The following RERE variants were observed in gnomAD, a reference collection of about 807,000 sequenced individuals.
RERE encodes arginine-glutamic acid dipeptide repeats.
RERE carries 40 observed loss-of-function variants against 146.1 expected under a neutral mutation model. That is an observed-to-expected ratio of 0.27 (90% CI 0.21 to 0.36). The LOEUF (loss-of-function observed/expected upper bound fraction) is 0.36. RERE is among the 10% of genes least tolerant of loss of function. The probability of loss-of-function intolerance (pLI) is 1.00; values close to 1 mark genes in which losing one functional copy is unlikely to be tolerated. For synonymous variants in RERE, 1,003 were observed against 866.0 expected (o/e 1.16, Z -2.78); for missense variants, 1,933 against 2,138.7 (o/e 0.90, Z 1.90).
intron 4 of RERE, among the ~76,000 whole-genome samples, chr1:8,601,764 C>G (rs1193742494): frequency 2.0e-5 from 3 of 151,186 alleles, no homozygotes; most frequent in African/African-American, 7.3e-5. Context: ...CACACACACA[C>G]ACACACACAC....
At position 8,526,016 on chromosome 1, in the gene RERE, T is replaced by C. The variant is rs991210584; in HGVS notation, c.830+15198A>G. The C allele has an allele frequency of 9.3e-5, 118 of 1,274,484 alleles. No homozygotes were observed. The African/African-American group carries it at 1.8e-3, about 19-fold the overall frequency. The allele number at this position is 1,274,484 out of a possible 1,614,324, so 78.9% of individuals were successfully genotyped here. ...CTGTGACCCTCCCTCATCCACACAC[T>C]GTCTCTCCACGACGCAATCAATCTC... On this transcript the variant is annotated intron_variant, in intron 7 of 22. Coordinates refer to ENST00000400908, the MANE Select transcript of RERE (RefSeq NM_001042681.2).
At chr1:8,569,129 T>C (rs186856297) in intron 4 of RERE, among the ~76,000 whole-genome samples, 5 of 152,154 alleles carry the variant, frequency 3.3e-5, no homozygotes, top group Non-Finnish European at 5.9e-5. Context: ...ATTTTCTCTT[T>C]GGTCCAAAGG....
intron 1 of RERE, among the ~76,000 whole-genome samples, chr1:8,663,143 T>C (rs1638493450): frequency 6.6e-6 from 1 of 152,122 alleles, no homozygotes; most frequent in African/African-American, 2.4e-5. Context: ...AAACAAATCA[T>C]GGAGAATTAA....
intron 1 of RERE, among the ~76,000 whole-genome samples, chr1:8,773,063 G>A (rs919106716): frequency 6.6e-5 from 10 of 151,920 alleles, no homozygotes; most frequent in African/African-American, 2.2e-4. Flanking sequence ...TTCCAGCCTG[G>A]GCAACTAAGA....
intron 8 of RERE, among the ~76,000 whole-genome samples, chr1:8,505,087 T>C (rs893895945): frequency 7.2e-5 from 11 of 152,152 alleles, no homozygotes; most frequent in Non-Finnish European, 1.5e-4. Flanking sequence ...CCCTACAGGA[T>C]GAAATAGCTT....
intron 1 of RERE, among the ~76,000 whole-genome samples, chr1:8,811,804 A>C (rs1417430630): frequency 6.6e-6 from 1 of 152,252 alleles, no homozygotes; most frequent in Non-Finnish European, 1.5e-5. Flanking sequence ...TTTTAAGGTT[A>C]GTCCAGGCCA....
intron 1 of RERE, among the ~76,000 whole-genome samples, chr1:8,677,223 A>C (rs1638859654): frequency 6.6e-6 from 1 of 152,156 alleles, no homozygotes; most frequent in Non-Finnish European, 1.5e-5. Flanking sequence ...TGAGATCAGG[A>C]GTTCGAGACC....
intron 11 of RERE, among the ~76,000 whole-genome samples, chr1:8,426,841 C>CA (rs1280395639): frequency 1.3e-5 from 2 of 152,170 alleles, no homozygotes; most frequent in African/African-American, 2.4e-5. Flanking sequence ...ACGTTCACCT[C>CA]AAAATCTCTC....
intron 12 of RERE, among the ~76,000 whole-genome samples, chr1:8,404,693 C>T (rs906221812): frequency 6.6e-6 from 1 of 152,154 alleles, no homozygotes; most frequent in Non-Finnish European, 1.5e-5. Flanking sequence ...AAGAAGAGTC[C>T]TTGGGCAATC....
At chr1:8,718,002 C>T (rs750264806) in intron 1 of RERE, among the ~76,000 whole-genome samples, 16 of 152,196 alleles carry the variant, frequency 1.1e-4, no homozygotes, top group South Asian at 4.1e-4. Flanking sequence ...AAACTATAAT[C>T]AAAGTCTGTA....
chr1:8,413,210 C>T (rs1166314746), intron 12 of RERE, among the ~76,000 whole-genome samples: 1 of 152,130 alleles, frequency 6.6e-6, no homozygotes, highest in Admixed American at 6.5e-5. Context: ...AAAATGAGGT[C>T]CCTGCCCAGA....
chr1:8,750,406 G>C (rs1640509023), intron 1 of RERE: 1 of 731,860 alleles, frequency 1.4e-6, no homozygotes, highest in Admixed American at 2.0e-5. Context: ...TTAAAAACCA[G>C]TAGCCTCTTT....
At chr1:8,589,246 C>G (rs1395912118) in intron 4 of RERE, among the ~76,000 whole-genome samples, 1 of 152,132 alleles carries the variant, frequency 6.6e-6, no homozygotes, top group Non-Finnish European at 1.5e-5. Context: ...TCTAGACCAG[C>G]CTGGCCAACA....
chr1:8,423,868 G>T lies in RERE; in HGVS notation c.1204-1061C>A. The T allele has an allele frequency of 5.4e-6, 1 of 184,024 alleles. No homozygotes were observed. Among genetic ancestry groups the T allele is most frequent in the Non-Finnish European group, 1.0e-5 (1 of 98,556 alleles). The allele number at this position is 184,024 out of a possible 1,614,324, so 11.4% of individuals were successfully genotyped here. A position where few individuals can be genotyped will look rare whatever the true frequency, so the allele number is the denominator to read the frequency against. On this transcript the variant is annotated intron_variant, in intron 11 of 22. Transcript: ENST00000400908. The surrounding 1 kb of genome is among the most constrained non-coding windows in gnomAD (Gnocchi z 5.4). The stretch of plus-strand genomic sequence containing the variant: ...GCCGCCGCCCTCCTGTCCGCCAGCC[G>T]GGGCCCCGCGCCCCGGCCCCGGCCC...
chr1:8,606,031 G>A (rs1199407074), intron 4 of RERE, among the ~76,000 whole-genome samples: 1 of 151,712 alleles, frequency 6.6e-6, no homozygotes, highest in Non-Finnish European at 1.5e-5. Flanking sequence ...GCCCAGGCTG[G>A]TCTCAAACCC....
Position 8,620,162 on chromosome 1 carries a change from T to C in RERE, c.396+4148A>G, listed in dbSNP as rs941565093. Among the ~76,000 whole-genome samples, 5 of 152,046 alleles carry C rather than the reference T, an allele frequency of 3.3e-5. No individual in the cohort carries two copies. In the East Asian group the frequency reaches 5.8e-4, roughly 18 times the overall value. On this transcript the variant is annotated intron_variant, in intron 3 of 22. Coordinates refer to ENST00000400908, the MANE Select transcript of RERE (RefSeq NM_001042681.2). Reference sequence around the variant, plus strand: ...AAGCTATGGGAGGGCAGCAGAAGGGTTGGAGATATTAATCTAGGCTCTTTC... The same window carrying C: ...AAGCTATGGGAGGGCAGCAGAAGGGCTGGAGATATTAATCTAGGCTCTTTC...
intron 7 of RERE, among the ~76,000 whole-genome samples, chr1:8,517,435 C>T (rs994675550): frequency 1.3e-5 from 2 of 152,106 alleles, no homozygotes; most frequent in Admixed American, 1.3e-4. Context: ...GATTCATCAT[C>T]TTGGAGACAT....
At position 8,695,795 on chromosome 1, in the gene RERE, C is replaced by A. The variant is rs573286291; in HGVS notation, c.-144-39354G>T. Among the ~76,000 whole-genome samples the A allele has an allele frequency of 1.4e-4, 21 of 151,902 alleles. No individual in the cohort carries two copies. The Middle Eastern group carries it at 0.01, about 74-fold the overall frequency. On this transcript the variant is annotated intron_variant, in intron 1 of 22. Coordinates refer to ENST00000400908, the MANE Select transcript of RERE (RefSeq NM_001042681.2). ...AACTGTCAACAAAGTAAACAGACAA[C>A]CTACAAAATAGCAGAAAATATTTAA...
intron 4 of RERE, among the ~76,000 whole-genome samples, chr1:8,569,873 C>CA (rs1646198322): frequency 6.6e-6 from 1 of 151,438 alleles, no homozygotes; most frequent in Non-Finnish European, 1.5e-5. Context: ...GCCTGGGTGA[C>CA]AGAGCTAGAC....
Sources: allele counts gnomAD v4.1 joint callset (sites outside exome capture counted in the v4.1 genomes callset), GRCh38; gene constraint gnomAD v4.1.1; non-coding constraint Gnocchi (gnomAD v3.1); transcripts MANE v1.5; gene names NCBI Gene and HGNC (gene_info 2026-07-23, HGNC 2026-07-21).